Variants in WDR33 observed in about 807,000 individuals in gnomAD.
WDR33 encodes WD repeat domain 33, also known as pre-mRNA 3' end processing protein WDR33.
Under a neutral mutation model 164.9 loss-of-function variants are expected in WDR33, and 47 were observed. The observed-to-expected ratio is 0.29, with a 90% CI of 0.23 to 0.36. The LOEUF (loss-of-function observed/expected upper bound fraction) is 0.36, where lower values mean the gene tolerates loss of function less well. WDR33 is among the 10% of genes least tolerant of loss of function. The pLI is 1.00. For missense variants in WDR33, 1,137 were observed against 1,754.1 expected, an observed-to-expected ratio of 0.65 and a Z score of 6.28; for synonymous variants, 505 against 589.0, an observed-to-expected ratio of 0.86 and a Z score of 2.06.
At chr2:127,745,040 A>C (rs1205188979) in intron 7 of WDR33, among the ~76,000 whole-genome samples, 1 of 152,174 alleles carries the variant, frequency 6.6e-6, no homozygotes, top group East Asian at 1.9e-4. Context: ...ATTGTTATGC[A>C]GTCAGCTTGC....
rs536976587 is a variant in WDR33, at chr2:127,714,977, T to C, written c.2870-956A>G. On this transcript the variant is annotated intron_variant, in intron 17 of 21. Coordinates refer to ENST00000322313, the MANE Select transcript of WDR33 (RefSeq NM_018383.5). The surrounding 1 kb of genome is among the most constrained non-coding windows in gnomAD (Gnocchi z 4.3). Reference sequence around the variant, plus strand: ...TTCCTCCAATAGCCCAGTTCATGCCTTTTACTGCTTTTCCCTGGCTATAAA... The same window carrying C: ...TTCCTCCAATAGCCCAGTTCATGCCCTTTACTGCTTTTCCCTGGCTATAAA... 2.0e-5 allele frequency among the ~76,000 whole-genome samples: 3 copies of C among 152,254 alleles called. No individual in the cohort carries two copies. The East Asian group carries it at 5.8e-4, about 29-fold the overall frequency.
intron 7 of WDR33, among the ~76,000 whole-genome samples, chr2:127,757,938 A>G (rs1414668732): frequency 1.3e-5 from 2 of 152,192 alleles, no homozygotes; most frequent in Non-Finnish European, 1.5e-5. Context: ...GAGACTTAAC[A>G]AAAGTATTAG....
intron 7 of WDR33, among the ~76,000 whole-genome samples, chr2:127,750,706 ATATATATG>A (rs1196002708): frequency 0.014 from 862 of 61,134 alleles, 8 homozygotes; most frequent in Non-Finnish European, 0.021. Context: ...ATATATATAT[ATATATATG>A]TATGTATGCA....
At chr2:127,801,966 A>C (rs1689265898) in intron 1 of WDR33, among the ~76,000 whole-genome samples, 1 of 151,738 alleles carries the variant, frequency 6.6e-6, no homozygotes, top group South Asian at 2.1e-4. Context: ...AGATCACTTG[A>C]GGTCAGGAAT....
At position 127,702,149 on chromosome 2, in the gene WDR33, C is replaced by T; in HGVS notation, c.*4174G>A. 8.2e-7 allele frequency: 1 copy of T among 1,215,120 alleles called. No homozygotes were observed. Among genetic ancestry groups the T allele is most frequent in the Non-Finnish European group, 1.0e-6 (1 of 977,804 alleles). The allele number at this position is 1,215,120 out of a possible 1,614,324, so 75.3% of individuals were successfully genotyped here. A position where few individuals can be genotyped will look rare whatever the true frequency, so the allele number is the denominator to read the frequency against. ...CACTGGGTCGCCTGGGCCGCGGCGC[C>T]GGCCTCGCCAAGGTGCTGCCCGTGT... On this transcript the variant is annotated 3_prime_UTR_variant, in exon 22 of 22. Coordinates refer to ENST00000322313, the MANE Select transcript of WDR33 (RefSeq NM_018383.5).
Position 127,713,544 on chromosome 2 carries a change from C to T in WDR33, c.3308+39G>A, listed in dbSNP as rs746566296. On this transcript the variant is annotated intron_variant, in intron 18 of 21. Transcript: ENST00000322313. The surrounding 1 kb of genome is among the most constrained non-coding windows in gnomAD (Gnocchi z 6.2). ...TGTGGAGACAGCAGATAAAAAGCTC[C>T]ACTGAAGATGGAATGGGCCCACAAA... 1.2e-6 allele frequency: 2 copies of T among 1,600,972 alleles called. No individual in the cohort carries two copies. The highest frequency in any genetic ancestry group is 2.7e-5 in the African/African-American group (2 of 74,184).
At chr2:127,739,439 G>C (rs748578006) in intron 7 of WDR33, among the ~76,000 whole-genome samples, 1 of 152,310 alleles carries the variant, frequency 6.6e-6, no homozygotes, top group Non-Finnish European at 1.5e-5. Flanking sequence ...CAAGAAAAGG[G>C]TATGTTACAT....
intron 1 of WDR33, among the ~76,000 whole-genome samples, chr2:127,794,833 CAAAAA>C (rs990234716): frequency 1.4e-4 from 11 of 79,304 alleles, no homozygotes; most frequent in African/African-American, 3.9e-4. Flanking sequence ...GACTCCGTTT[CAAAAA>C]AAAAAAAAAA....
Position 127,706,411 on chromosome 2 carries a change from C to T in WDR33, c.3923G>A (p.Arg1308Gln), listed in dbSNP as rs1018871373. 8 of 1,613,694 alleles carry T rather than the reference C, an allele frequency of 5.0e-6. No individual in the cohort carries two copies. The highest frequency in any genetic ancestry group is 2.2e-5 in the East Asian group (1 of 44,886). The change falls in exon 22 of 22, where the codon CGG (arginine) becomes CAG (glutamine). Residue 1308 changes from arginine to glutamine, a missense_variant. By Grantham distance (43) the Arg-to-Gln change is conservative. Transcript: ENST00000322313. The surrounding 1 kb of genome is among the most constrained non-coding windows in gnomAD (Gnocchi z 5.1). Reference sequence around the variant, plus strand: ...CCCTCTACCCCAGTTACTGCCACTCCGGCCCCCTCGAGAAGGGGTGCCACT... The same window carrying T: ...CCCTCTACCCCAGTTACTGCCACTCTGGCCCCCTCGAGAAGGGGTGCCACT... ...PGSGTPSRGG[R>Q]SGSNWGRGSN... is the part of the protein sequence containing the mutation.
At chr2:127,728,485 TTC>T (rs1408088421) in intron 7 of WDR33, among the ~76,000 whole-genome samples, 2 of 152,184 alleles carry the variant, frequency 1.3e-5, no homozygotes, top group Non-Finnish European at 2.9e-5. Flanking sequence ...CCCATGTTTA[TTC>T]TATATTTTTA....
In WDR33 at chr2:127,763,192, A is replaced by C; in HGVS notation, c.627-33T>G. 3.7e-6 allele frequency: 6 copies of C among 1,613,828 alleles called. No homozygotes were observed. The highest frequency in any genetic ancestry group is 5.1e-6 in the Non-Finnish European group (6 of 1,179,754). ...ATGAAGACACACAGCAGGGGAAAGA[A>C]GTCAGCATTTAACAGATAATCTGTG... On this transcript the variant is annotated intron_variant, in intron 6 of 21. Transcript: ENST00000322313. This position sits in a 1 kb window ranked among gnomAD's most constrained non-coding sequence, Gnocchi z 4.5.
intron 1 of WDR33, among the ~76,000 whole-genome samples, chr2:127,782,950 A>G (rs573899054): frequency 6.6e-5 from 10 of 152,256 alleles, no homozygotes; most frequent in African/African-American, 2.2e-4. Context: ...CAGAGCTTGC[A>G]GTGAGCCGAG....
Position 127,763,760 on chromosome 2 carries a change from T to C in WDR33, c.627-601A>G, listed in dbSNP as rs1687745814. On this transcript the variant is annotated intron_variant, in intron 6 of 21. Transcript: ENST00000322313. The surrounding 1 kb of genome is among the most constrained non-coding windows in gnomAD (Gnocchi z 4.5). ...TTTAAAATAAGGACATTCAGACTTG[T>C]GTGTAAAGCCAAAGAATCTGCTGCA... is the stretch of plus-strand genomic sequence containing the variant. 2.0e-6 allele frequency: 2 copies of C among 985,634 alleles called. No individual in the cohort carries two copies. The highest frequency in any genetic ancestry group is 4.7e-5 in the South Asian group (1 of 21,292). 61.1% of individuals were successfully genotyped at this position (985,634 alleles called of 1,614,324 possible). A position where few individuals can be genotyped will look rare whatever the true frequency, so the allele number is the denominator to read the frequency against.
chr2:127,726,512 G>A lies in WDR33; in HGVS notation c.851+139C>T. 8.8e-7 allele frequency: 1 copy of A among 1,140,840 alleles called. No individual in the cohort carries two copies. The highest frequency in any genetic ancestry group is 2.9e-5 in the Admixed American group (1 of 34,462). The allele number at this position is 1,140,840 out of a possible 1,614,324, so 70.7% of individuals were successfully genotyped here. A position where few individuals can be genotyped will look rare whatever the true frequency, so the allele number is the denominator to read the frequency against. On this transcript the variant is annotated intron_variant, in intron 8 of 21. Coordinates refer to ENST00000322313, the MANE Select transcript of WDR33 (RefSeq NM_018383.5). This position sits in a 1 kb window ranked among gnomAD's most constrained non-coding sequence, Gnocchi z 4.8. ...GAGATGAATCATATTTAATTCATAA[G>A]AAGTCTATAGATCCAAGTCCATCTG...
At chr2:127,808,620 C>G (rs1352526061) in intron 1 of WDR33, among the ~76,000 whole-genome samples, 1 of 152,120 alleles carries the variant, frequency 6.6e-6, no homozygotes, top group Non-Finnish European at 1.5e-5. Context: ...TTCAGCAGAG[C>G]GCGGTGGCTC....
In WDR33 at chr2:127,741,264, C is replaced by T. The variant is rs1022761799; in HGVS notation, c.725-14487G>A. On this transcript the variant is annotated intron_variant, in intron 7 of 21. Coordinates refer to ENST00000322313, the MANE Select transcript of WDR33 (RefSeq NM_018383.5). This position sits in a 1 kb window ranked among gnomAD's most constrained non-coding sequence, Gnocchi z 4.1. ...CAGCACAAAGTCTGCAGAAATGCCA[C>T]GGATGACACTGAAAATGGAAAGAAG... Among the ~76,000 whole-genome samples the T allele has an allele frequency of 6.6e-6, 1 of 151,856 alleles. No individual in the cohort carries two copies. Among genetic ancestry groups the T allele is most frequent in the African/African-American group, 2.4e-5 (1 of 41,298 alleles).
intron 1 of WDR33, among the ~76,000 whole-genome samples, chr2:127,775,160 A>C (rs1224870536): frequency 1.3e-5 from 2 of 152,154 alleles, no homozygotes; most frequent in Non-Finnish European, 2.9e-5. Context: ...TTTTATCTCA[A>C]TTAAAGAATA....
rs193058692 is a variant in WDR33 at position 127,750,632 on chromosome 2, A to G, written c.724+12430T>C. On this transcript the variant is annotated intron_variant, in intron 7 of 21. Transcript: ENST00000322313. ...ATCATTGCACTCCAGCCTGGGCAAC[A>G]AGAGTGAAACTCCATCTTAAAAAAA... Among the ~76,000 whole-genome samples, 31 of 131,456 alleles carry G rather than the reference A, an allele frequency of 2.4e-4. 1 individual carries two copies. Among genetic ancestry groups the G allele is most frequent in the African/African-American group, 8.9e-4 (31 of 34,948 alleles). 86.2% of individuals were successfully genotyped at this position (131,456 alleles called of 152,430 possible).
intron 1 of WDR33, among the ~76,000 whole-genome samples, chr2:127,788,809 C>A (rs1334191960): frequency 6.7e-6 from 1 of 148,284 alleles, no homozygotes; most frequent in East Asian, 2.1e-4. Context: ...GACCCCCCCC[C>A]ACCTCCCTCC....
Sources: gnomAD v4.1 joint callset for allele counts (sites outside exome capture counted in the v4.1 genomes callset) on GRCh38, gnomAD v4.1.1 for gene constraint, Gnocchi (gnomAD v3.1) non-coding constraint, MANE v1.5 for transcripts, NCBI Gene and HGNC (gene_info 2026-07-23, HGNC 2026-07-21) for gene names.